Variants in PLEKHG4B observed in about 807,000 individuals in gnomAD.
The protein encoded by PLEKHG4B is pleckstrin homology domain-containing family G member 4B.
In PLEKHG4B, 111 loss-of-function variants were observed where a neutral mutation model predicts 121.3. The ratio of observed to expected loss-of-function variants is 0.92; its 90% CI spans 0.78 to 1.07. The LOEUF (loss-of-function observed/expected upper bound fraction) is 1.07. Ranked by LOEUF, PLEKHG4B falls within the 50% of genes least tolerant of loss-of-function variation. PLEKHG4B has a pLI of 0.00. For missense variants in PLEKHG4B, 1,831 were observed against 1,757.8 expected, an observed-to-expected ratio of 1.04 and a Z score of -0.74; for synonymous variants, 738 against 725.0, an observed-to-expected ratio of 1.02 and a Z score of -0.29.
intron 18 of PLEKHG4B, among the ~76,000 whole-genome samples, chr5:176,439 G>A (rs950145418): frequency 2.4e-4 from 37 of 152,244 alleles, no homozygotes; most frequent in African/African-American, 8.4e-4. Flanking sequence ...GAACTAAGTT[G>A]ATTCAAGCGC....
At position 188,852 on chromosome 5, in the gene PLEKHG4B, T is replaced by G. The variant is rs1733707472; in HGVS notation, c.*6529T>G. The G allele has an allele frequency of 2.0e-5, 3 of 152,246 alleles. No homozygotes were observed. The allele number at this position is 152,246 out of a possible 1,614,324, so 9.4% of individuals were successfully genotyped here. On this transcript the variant is annotated 3_prime_UTR_variant, in exon 20 of 20. Coordinates refer to ENST00000637938, the MANE Select transcript of PLEKHG4B (RefSeq NM_052909.5). ...CTCCATCCGGCCTGGCCCCACCGTG[T>G]GTATCAGGTGTCAGAGGCCTTGCTG...
At position 157,814 on chromosome 5, in the gene PLEKHG4B, G is replaced by C. The variant is rs1470419242; in HGVS notation, c.2487+903G>C. ...CAACTATTGCTGCGATGAATGTGCG[G>C]GTGAAAGAGCCAGCAGCATGGAGAG... On this transcript the variant is annotated intron_variant, in intron 11 of 19. Transcript: ENST00000637938. This position sits in a 1 kb window ranked among gnomAD's most constrained non-coding sequence, Gnocchi z 4.6. 6.6e-6 allele frequency among the ~76,000 whole-genome samples: 1 copy of C among 152,196 alleles called. No homozygotes were observed. The highest frequency in any genetic ancestry group is 2.4e-5 in the African/African-American group (1 of 41,432).
Position 143,251 on chromosome 5 carries a change from T to C in PLEKHG4B, c.1682T>C (p.Leu561Pro), listed in dbSNP as rs1196513605. 1 of 1,610,006 alleles carries C rather than the reference T, an allele frequency of 6.2e-7. No homozygotes were observed. Among genetic ancestry groups the C allele is most frequent in the South Asian group, 1.1e-5 (1 of 91,062 alleles). Residue 561 changes from leucine (L) to proline (P), a missense_variant, in exon 4 of 20, where the codon CTC (leucine) becomes CCC (proline). Coordinates refer to ENST00000637938, the MANE Select transcript of PLEKHG4B (RefSeq NM_052909.5). Reference protein sequence around the residue: ...QELLQSGVVTLPGTRDRHGRA... With the variant: ...QELLQSGVVTPPGTRDRHGRA... ...CTGCTGCAGTCCGGGGTCGTCACCC[T>C]CCCAGGTGAGAGCACATGCCAGGCT...
intron 13 of PLEKHG4B, among the ~76,000 whole-genome samples, chr5:165,044 A>C (rs1736256865): frequency 1.1e-5 from 1 of 92,944 alleles, no homozygotes; most frequent in Non-Finnish European, 2.2e-5. Flanking sequence ...GCTCACACTA[A>C]TGCTCTGACG....
In PLEKHG4B at chr5:112,745, C is replaced by T. The variant is rs115454737; in HGVS notation, c.46-506C>T. ...TAAAATGTATTTGCTGTGGGATGAG[C>T]TTGTTTTCTGAGAACAAAGTGGCGC... is the stretch of plus-strand genomic sequence containing the variant. On this transcript the variant is annotated intron_variant, in intron 1 of 19. Transcript: ENST00000637938. Among the ~76,000 whole-genome samples the T allele has an allele frequency of 2.2e-3, 332 of 152,288 alleles. 2 individuals are homozygous for T. The highest frequency in any genetic ancestry group is 6.8e-3 in the Middle Eastern group (2 of 294).
At chr5:129,646 G>A (rs1418591675) in intron 2 of PLEKHG4B, among the ~76,000 whole-genome samples, 1 of 152,156 alleles carries the variant, frequency 6.6e-6, no homozygotes, top group African/African-American at 2.4e-5. Context: ...ATAGAGCTTG[G>A]CTTTCTTCAT....
intron 12 of PLEKHG4B, 70 bp downstream of exon 12, chr5:162,014 TC>T (rs935864835): frequency 1.2e-4 from 178 of 1,495,996 alleles, no homozygotes; most frequent in Admixed American, 3.5e-4. Flanking sequence ...AGCAAGTGCC[TC>T]CCCTCACAAG....
At chr5:102,755 T>A (rs1733860198) in intron 1 of PLEKHG4B, among the ~76,000 whole-genome samples, 1 of 152,210 alleles carries the variant, frequency 6.6e-6, no homozygotes. Context: ...GAGAACAGAC[T>A]AATACAGACA....
intron 2 of PLEKHG4B, among the ~76,000 whole-genome samples, chr5:115,170 G>T (rs759983115): frequency 6.6e-6 from 1 of 152,246 alleles, no homozygotes; most frequent in South Asian, 2.1e-4. Context: ...TGTTACCACA[G>T]ATGGAAACAT....
intron 2 of PLEKHG4B, among the ~76,000 whole-genome samples, chr5:128,908 G>T (rs771492307): frequency 6.6e-6 from 1 of 152,186 alleles, no homozygotes; most frequent in Non-Finnish European, 1.5e-5. Flanking sequence ...GCCGTGACAG[G>T]GAGGGGTCGG....
intron 6 of PLEKHG4B, among the ~76,000 whole-genome samples, chr5:151,260 A>G (rs1735593910): frequency 6.6e-6 from 1 of 152,214 alleles, no homozygotes; most frequent in Admixed American, 6.5e-5. Context: ...TGCTTTCATC[A>G]AAACTTATAG....
Position 139,832 on chromosome 5 carries a change from C to T in PLEKHG4B, c.593C>T (p.Pro198Leu). The T allele has an allele frequency of 2.5e-6, 1 of 399,026 alleles. No homozygotes were observed. Among genetic ancestry groups the T allele is most frequent in the Non-Finnish European group, 4.4e-6 (1 of 226,350 alleles). The allele number at this position is 399,026 out of a possible 1,614,324, so 24.7% of individuals were successfully genotyped here. A position where few individuals can be genotyped will look rare whatever the true frequency, so the allele number is the denominator to read the frequency against. ...HRAPWSDVTD[P>L]VFVPSPGAIL... Reference sequence around the variant, plus strand: ...GCCCCGTGGAGCGACGTCACTGACCCTGTCTTTGTCCCCAGCCCTGGAGCC... The same window carrying T: ...GCCCCGTGGAGCGACGTCACTGACCTTGTCTTTGTCCCCAGCCCTGGAGCC... The change falls in exon 3 of 20, where the codon CCT becomes CTT. Residue 198 changes from proline (P) to leucine (L), a missense_variant. Physicochemically the swap from Pro to Leu is moderately conservative, Grantham distance 98 (BLOSUM62 -3). Coordinates refer to ENST00000637938, the MANE Select transcript of PLEKHG4B (RefSeq NM_052909.5). The surrounding 1 kb of genome is among the most constrained non-coding windows in gnomAD (Gnocchi z 5.0).
chr5:143,213 C>G lies in PLEKHG4B; in HGVS notation c.1644C>G (p.Asp548Glu), dbSNP rs571906695. The G allele has an allele frequency of 6.2e-7, 1 of 1,611,038 alleles. No homozygotes were observed. Among genetic ancestry groups the G allele is most frequent in the African/African-American group, 1.3e-5 (1 of 74,934 alleles). Reference protein sequence around the residue: ...FPSQVPKQVLDVSQELLQSGV... With the variant: ...FPSQVPKQVLEVSQELLQSGV... ...GCCAGGTGCCCAAGCAGGTGCTGGACGTCAGTCAGGAGCTGCTGCAGTCCG... is the reference window on the plus strand; with the variant it reads ...GCCAGGTGCCCAAGCAGGTGCTGGAGGTCAGTCAGGAGCTGCTGCAGTCCG... The change falls in exon 4 of 20, where the codon GAC becomes GAG. Residue 548 changes from aspartate to glutamate, a missense_variant. By Grantham distance (45) the Asp-to-Glu change is conservative. Coordinates refer to ENST00000637938, the MANE Select transcript of PLEKHG4B (RefSeq NM_052909.5).
Position 137,701 on chromosome 5 carries a change from A to AT in PLEKHG4B, c.244-1776dup, listed in dbSNP as rs1435260852. Among the ~76,000 whole-genome samples, 1 of 152,172 alleles carries AT rather than the reference A, an allele frequency of 6.6e-6. No homozygotes were observed. The highest frequency in any genetic ancestry group is 1.9e-4 in the East Asian group (1 of 5,198). On this transcript the variant is annotated intron_variant, in intron 2 of 19. Transcript: ENST00000637938. This position sits in a 1 kb window ranked among gnomAD's most constrained non-coding sequence, Gnocchi z 4.2. ...GCGATTACAAGGACAAGTCACAACG[A>AT]TTTTTTCAACAGTCACTTGTGCATT...
chr5:171,347 A>G lies in PLEKHG4B; in HGVS notation c.3953A>G (p.Gln1318Arg), dbSNP rs1472068555. 6.2e-7 allele frequency: 1 copy of G among 1,612,366 alleles called. No homozygotes were observed. Among genetic ancestry groups the G allele is most frequent in the Non-Finnish European group, 8.5e-7 (1 of 1,179,794 alleles). The part of the protein sequence containing the change: ...KEASCGLAQG[Q>R]ELGELRAAEV... The stretch of plus-strand genomic sequence containing the variant: ...GCCAGCTGTGGCCTGGCCCAGGGGC[A>G]GGAGCTGGGCGAGCTCCGAGCCGCC... Residue 1318 changes from glutamine (Q) to arginine (R), a missense_variant, in exon 16 of 20, where the codon CAG becomes CGG. Physicochemically the swap from Gln to Arg is conservative, Grantham distance 43. Coordinates refer to ENST00000637938, the MANE Select transcript of PLEKHG4B (RefSeq NM_052909.5).
In PLEKHG4B at chr5:173,033, GC is replaced by G. The variant is rs777006951; in HGVS notation, c.4189del (p.His1397ThrfsTer17). ...AGCAAGACCCAGAAGGTGGAGGGCA[GC>G]CACGACGTCTACCTGTACAAGCAGT... ...LFSKTQKVEG[S>X]HDVYLYKQSF... On this transcript the variant is annotated frameshift_variant, in exon 17 of 20. Coordinates refer to ENST00000637938, the MANE Select transcript of PLEKHG4B (RefSeq NM_052909.5). LOFTEE classifies it high-confidence loss of function. The G allele has an allele frequency of 6.8e-6, 11 of 1,614,016 alleles. No homozygotes were observed. The highest frequency in any genetic ancestry group is 6.8e-6 in the Non-Finnish European group (8 of 1,180,022).
chr5:171,905 C>G (rs560368798), intron 16 of PLEKHG4B, among the ~76,000 whole-genome samples: 1 of 152,226 alleles, frequency 6.6e-6, no homozygotes, highest in Non-Finnish European at 1.5e-5. Context: ...TGCCCGCGAC[C>G]GGCTGCATGG....
rs142186656 is a variant in PLEKHG4B at position 144,870 on chromosome 5, C to T, written c.1855C>T (p.Arg619Cys). ...GGGGCTGGTTGTCCTGGTGGATGCACGCAGGAGTCCAGCTGCCCCTGCCGT... is the reference window on the plus strand; with the variant it reads ...GGGGCTGGTTGTCCTGGTGGATGCATGCAGGAGTCCAGCTGCCCCTGCCGT... ...DLGLVVLVDA[R>C]RSPAAPAVSQ... is the part of the protein sequence containing the mutation. The change falls in exon 6 of 20, where the codon CGC (arginine) becomes TGC (cysteine). Residue 619 changes from arginine (R) to cysteine (C), a missense_variant. Coordinates refer to ENST00000637938, the MANE Select transcript of PLEKHG4B (RefSeq NM_052909.5). The T allele has an allele frequency of 4.3e-6, 7 of 1,613,250 alleles. No individual in the cohort carries two copies. Among genetic ancestry groups the T allele is most frequent in the African/African-American group, 2.7e-5 (2 of 74,914 alleles).
chr5:96,648 G>T (rs1291862384), intron 1 of PLEKHG4B, among the ~76,000 whole-genome samples: 1 of 152,310 alleles, frequency 6.6e-6, no homozygotes, highest in East Asian at 1.9e-4. Flanking sequence ...ACCACATTGG[G>T]CATAGGAGTG....
Sources: gnomAD v4.1 joint callset for allele counts (sites outside exome capture counted in the v4.1 genomes callset) on GRCh38, gnomAD v4.1.1 for gene constraint, Gnocchi (gnomAD v3.1) non-coding constraint, MANE v1.5 for transcripts, NCBI Gene and HGNC (gene_info 2026-07-23, HGNC 2026-07-21) for gene names.